Variants in SPATA24 observed in about 807,000 individuals in gnomAD.
The protein encoded by SPATA24 is spermatogenesis associated 24.
Under a neutral mutation model 28.9 loss-of-function variants are expected in SPATA24, and 21 were observed. That is an observed-to-expected ratio of 0.73 (90% CI 0.52 to 1.05). The LOEUF is 1.05. Among genes scored for constraint, SPATA24 ranks in the 50% least tolerant of loss-of-function variants. The probability of loss-of-function intolerance (pLI) is 0.00; values close to 1 mark genes in which losing one functional copy is unlikely to be tolerated. For missense variants in SPATA24, 215 were observed against 242.9 expected (o/e 0.88, Z 0.76); for synonymous variants, 76 against 89.9 (o/e 0.85, Z 0.88).
Position 139,401,817 on chromosome 5 carries a change from C to T in SPATA24, c.323G>A (p.Ser108Asn). 6.4e-7 allele frequency: 1 copy of T among 1,550,532 alleles called. No individual in the cohort carries two copies. Among genetic ancestry groups the T allele is most frequent in the Non-Finnish European group, 8.7e-7 (1 of 1,146,148 alleles). ...CTCCTGAAGGACTTTGCTCTTGACA[C>T]TGGAGAGCCTGGGTGGGGAAGATAA... Reference protein sequence around the residue: ...EKLAFEKALSSVKSKVLQESS... With the variant: ...EKLAFEKALSNVKSKVLQESS... The change falls in exon 4 of 6, where the codon AGT becomes AAT. Residue 108 changes from serine (S) to asparagine (N), a missense_variant. Coordinates refer to ENST00000450845, the MANE Select transcript of SPATA24 (RefSeq NM_194296.2).
chr5:139,402,236 C>T (rs1225008385), intron 2 of SPATA24, among the ~76,000 whole-genome samples, 191 bp from the exon 3 acceptor site: 1 of 149,772 alleles, frequency 6.7e-6, no homozygotes, highest in Non-Finnish European at 1.5e-5. Context: ...TTTTTTTAGA[C>T]AGAGTCTCAC....
chr5:139,403,628 C>T (rs1045946817), intron 1 of SPATA24, among the ~76,000 whole-genome samples: 3 of 152,214 alleles, frequency 2.0e-5, no homozygotes, highest in African/African-American at 7.2e-5. Flanking sequence ...TCTGCCTGCA[C>T]AGGAGGGCCA....
At chr5:139,394,540 G>T, downstream of SPATA24, 4 of 1,487,028 alleles carry the variant, frequency 2.7e-6, no homozygotes, top group Non-Finnish European at 3.6e-6. Context: ...CGCTGGGGCG[G>T]CAGGACTTGG....
At chr5:139,401,855 G>A (rs1185814523) in intron 3 of SPATA24, 30 bp from the exon 4 acceptor site, 8 of 1,547,464 alleles carry the variant, frequency 5.2e-6, no homozygotes, top group East Asian at 4.9e-5. Flanking sequence ...TGGGAGGGTG[G>A]GCAGGCTAGC....
chr5:139,399,568 A>G (rs1018732474), intron 4 of SPATA24, among the ~76,000 whole-genome samples: 1 of 152,232 alleles, frequency 6.6e-6, no homozygotes, highest in Non-Finnish European at 1.5e-5. Context: ...TCGTTTGGGA[A>G]AAAGAATTAG....
At chr5:139,402,503 A>G (rs1481346475) in intron 2 of SPATA24, 125 bp downstream of exon 2, 3 of 867,572 alleles carry the variant, frequency 3.5e-6, no homozygotes, top group Non-Finnish European at 5.3e-6. Flanking sequence ...TTGGCCTCCC[A>G]AAGAGCTGGG....
At chr5:139,402,280 C>T (rs1281843360) in intron 2 of SPATA24, among the ~76,000 whole-genome samples, 1 of 151,520 alleles carries the variant, frequency 6.6e-6, no homozygotes, top group African/African-American at 2.4e-5. Context: ...GTGGCATGAT[C>T]TCAGCTCAGT....
At chr5:139,402,175 CA>C in intron 2 of SPATA24, 130 bp from the exon 3 acceptor site, 1 of 1,204,320 alleles carries the variant, frequency 8.3e-7, no homozygotes, top group Non-Finnish European at 1.1e-6. Context: ...CACCTTGCTA[CA>C]GGGGCTGGAG....
intron 1 of SPATA24, among the ~76,000 whole-genome samples, chr5:139,403,345 T>G (rs190563135): frequency 1.3e-5 from 2 of 152,340 alleles, no homozygotes; most frequent in East Asian, 3.9e-4. Flanking sequence ...AGATACATCC[T>G]AACCTTCTTA....
At chr5:139,393,975 C>G, downstream of SPATA24, 1 of 1,550,638 alleles carries the variant, frequency 6.4e-7, no homozygotes, top group East Asian at 2.4e-5. Flanking sequence ...GACTCCGTGC[C>G]CTCTGAACAG....
intron 1 of SPATA24, 85 bp downstream of exon 1, chr5:139,403,858 GC>G: frequency 1.7e-6 from 2 of 1,172,018 alleles, no homozygotes; most frequent in Non-Finnish European, 2.5e-6. Flanking sequence ...TCTAGCCACG[GC>G]CCCCGCATCG....
At chr5:139,395,420 A>G, downstream of SPATA24, 1 of 266,030 alleles carries the variant, frequency 3.8e-6, no homozygotes, top group Non-Finnish European at 7.1e-6. Flanking sequence ...CAGGTGAGGA[A>G]ACTGAAGCCC....
rs1329483937 is a variant in SPATA24 at position 139,404,079 on chromosome 5, A to C, written c.-19T>G. 1 of 1,543,650 alleles carries C rather than the reference A, an allele frequency of 6.5e-7. No homozygotes were observed. On this transcript the variant is annotated 5_prime_UTR_variant, in exon 1 of 6. Coordinates refer to ENST00000450845, the MANE Select transcript of SPATA24 (RefSeq NM_194296.2). ...TCGCCATCTTCCGCCCCCGCCAGCT[A>C]GTTGGAAATGGCTGCCTCGGGGGTG...
intron 4 of SPATA24, among the ~76,000 whole-genome samples, chr5:139,397,584 C>G (rs1010716101): frequency 2.0e-5 from 3 of 149,848 alleles, no homozygotes; most frequent in Admixed American, 2.0e-4. Context: ...GAGACTGAGT[C>G]TTGCTCTGTC....
chr5:139,393,537 GC>G (rs1758636871), downstream of SPATA24: 2 of 1,551,170 alleles, frequency 1.3e-6, no homozygotes, highest in Non-Finnish European at 1.7e-6. Context: ...GGGGAGATGG[GC>G]CCCAAGTTCC....
intron 4 of SPATA24, 194 bp downstream of exon 4, chr5:139,401,561 C>T (rs765616613): frequency 1.1e-5 from 8 of 705,632 alleles, no homozygotes; most frequent in East Asian, 2.7e-5. Flanking sequence ...TATAGTACAC[C>T]GACTGCTTCC....
chr5:139,401,720 A>T, intron 4 of SPATA24, 35 bp downstream of exon 4: 3 of 1,547,684 alleles, frequency 1.9e-6, no homozygotes, highest in Non-Finnish European at 2.6e-6. Context: ...GCCCGTTTAT[A>T]TAACCGTGGT....
chr5:139,393,478 T>C, downstream of SPATA24: 1 of 1,551,646 alleles, frequency 6.4e-7, no homozygotes, highest in Non-Finnish European at 8.7e-7. Flanking sequence ...CTGAGCTTCC[T>C]GAGTAAATGC....
chr5:139,394,277 C>T (rs1041236372), downstream of SPATA24: 4 of 1,540,142 alleles, frequency 2.6e-6, no homozygotes, highest in African/African-American at 5.5e-5. Flanking sequence ...CCGAAGGTGG[C>T]GCTGCTCGGG....
Sources: allele counts gnomAD v4.1 joint callset (sites outside exome capture counted in the v4.1 genomes callset), GRCh38; gene constraint gnomAD v4.1.1; transcripts MANE v1.5; gene names NCBI Gene and HGNC (gene_info 2026-07-23, HGNC 2026-07-21).